The following TENM3 variants were observed in gnomAD, a reference collection of about 807,000 sequenced individuals.
The protein encoded by TENM3 is teneurin transmembrane protein 3, also known as teneurin-3.
TENM3 carries 63 observed loss-of-function variants against 255.1 expected under a neutral mutation model. The observed-to-expected ratio is 0.25, with a 90% CI of 0.20 to 0.30. TENM3 has a LOEUF of 0.30. TENM3 is among the 10% of genes least tolerant of loss of function. The pLI, the probability that TENM3 is intolerant of heterozygous loss-of-function variation, is 1.00. For synonymous variants in TENM3, 1,306 were observed against 1,322.3 expected (o/e 0.99, Z 0.27); for missense variants, 2,929 against 3,461.1 (o/e 0.85, Z 3.86).
At chr4:181,463,742 C>T in the TENM3 span, among the ~76,000 whole-genome samples, 1 of 152,126 alleles carries the variant, frequency 6.6e-6, no homozygotes, top group Admixed American at 6.6e-5. Flanking sequence ...TCATCCATAT[C>T]TAATTTTAAA....
At chr4:181,448,900 A>T in the TENM3 span, among the ~76,000 whole-genome samples, 1 of 152,200 alleles carries the variant, frequency 6.6e-6, no homozygotes, top group East Asian at 1.9e-4. Context: ...TATAAACAAG[A>T]ATTATAAAAA....
At chr4:182,465,535 C>T (rs1001390668) in intron 3 of TENM3, among the ~76,000 whole-genome samples, 1 of 152,002 alleles carries the variant, frequency 6.6e-6, no homozygotes, top group Non-Finnish European at 1.5e-5. Flanking sequence ...TAACCCACCC[C>T]GTTTATGGAA....
At chr4:182,037,018 A>G in the TENM3 span, among the ~76,000 whole-genome samples, 14 of 152,320 alleles carry the variant, frequency 9.2e-5, no homozygotes, top group Admixed American at 7.2e-4. Context: ...AAAAGTATGA[A>G]TCTTCCTTAT....
At chr4:181,713,317 G>A in the TENM3 span, among the ~76,000 whole-genome samples, 3 of 152,188 alleles carry the variant, frequency 2.0e-5, no homozygotes, top group East Asian at 1.9e-4. Context: ...GTTAGACCAC[G>A]AAAAGGTTCT....
At chr4:182,342,392 C>T (rs1290315402) in intron 2 of TENM3, among the ~76,000 whole-genome samples, 2 of 150,690 alleles carry the variant, frequency 1.3e-5, no homozygotes, top group African/African-American at 4.9e-5. Flanking sequence ...CACAAGACCA[C>T]ATATTGTGGA....
At chr4:181,608,882 C>G in the TENM3 span, among the ~76,000 whole-genome samples, 1 of 152,194 alleles carries the variant, frequency 6.6e-6, no homozygotes, top group Non-Finnish European at 1.5e-5. Flanking sequence ...TTGGAACATT[C>G]ACACCCGCTA....
intron 5 of TENM3, among the ~76,000 whole-genome samples, chr4:182,646,958 A>G (rs1752809532): frequency 6.6e-5 from 10 of 152,214 alleles, no homozygotes; most frequent in Admixed American, 6.5e-4. Flanking sequence ...ATCAGAATTA[A>G]GAAACCCTTG....
the TENM3 span, among the ~76,000 whole-genome samples, chr4:182,111,908 A>G: frequency 6.6e-6 from 1 of 152,176 alleles, no homozygotes; most frequent in Non-Finnish European, 1.5e-5. Context: ...CACAAGTAAC[A>G]CATTTTCTCA....
chr4:181,655,938 A>G, the TENM3 span, among the ~76,000 whole-genome samples: 1 of 152,260 alleles, frequency 6.6e-6, no homozygotes, highest in East Asian at 1.9e-4. Flanking sequence ...ATATGCTAGA[A>G]GCCTCTTTGT....
the TENM3 span, among the ~76,000 whole-genome samples, chr4:181,851,874 C>A: frequency 3.3e-5 from 5 of 152,138 alleles, no homozygotes; most frequent in Admixed American, 2.0e-4. Context: ...CATTTTAAGT[C>A]TACCAAGCTG....
chr4:181,738,995 C>T, the TENM3 span, among the ~76,000 whole-genome samples: 2 of 152,206 alleles, frequency 1.3e-5, no homozygotes, highest in South Asian at 4.1e-4. Context: ...TTTAGGTTAG[C>T]TGGCAAGGGC....
chr4:182,535,189 G>A (rs1264009262), intron 3 of TENM3, among the ~76,000 whole-genome samples: 3 of 152,146 alleles, frequency 2.0e-5, no homozygotes, highest in South Asian at 2.1e-4. Context: ...ATCCTGCAGA[G>A]TTTCAAATAG....
At chr4:181,466,487 A>C in the TENM3 span, among the ~76,000 whole-genome samples, 8 of 152,144 alleles carry the variant, frequency 5.3e-5, no homozygotes, top group Admixed American at 2.0e-4. Context: ...TGTGTGAGCC[A>C]CCTACACTTT....
chr4:182,791,518 G>A (rs951010471), intron 25 of TENM3, among the ~76,000 whole-genome samples: 1 of 152,098 alleles, frequency 6.6e-6, no homozygotes, highest in Non-Finnish European at 1.5e-5. Context: ...TCATAATTTA[G>A]CACCAAAGCA....
chr4:182,311,745 T>C (rs1762456948), intron 1 of TENM3, among the ~76,000 whole-genome samples: 1 of 152,338 alleles, frequency 6.6e-6, no homozygotes, highest in South Asian at 2.1e-4. Context: ...GGAGCTTTTA[T>C]GTCCACTCTG....
chr4:181,822,100 C>T, the TENM3 span, among the ~76,000 whole-genome samples: 1 of 152,082 alleles, frequency 6.6e-6, no homozygotes, highest in Non-Finnish European at 1.5e-5. Context: ...ACAAATGTCA[C>T]TTCATCAGGT....
At position 182,589,711 on chromosome 4, in the gene TENM3, G is replaced by A. The variant is rs1019288840; in HGVS notation, c.512-11213G>A. Among the ~76,000 whole-genome samples the A allele has an allele frequency of 9.2e-5, 14 of 152,194 alleles. No individual in the cohort carries two copies. The East Asian group carries it at 9.7e-4, about 11-fold the overall frequency. The stretch of plus-strand genomic sequence containing the variant: ...TTTGCGGCCGGGCGCAGTGGCTCAC[G>A]CCTGTAATCCCAGCACTTTGGGAGG... On this transcript the variant is annotated intron_variant, in intron 3 of 27. Coordinates refer to ENST00000511685, the MANE Select transcript of TENM3 (RefSeq NM_001080477.4).
chr4:182,731,963 A>G (rs1195963372), intron 16 of TENM3, among the ~76,000 whole-genome samples: 9 of 151,720 alleles, frequency 5.9e-5, no homozygotes, highest in Admixed American at 3.3e-4. Context: ...TTGTATTTTT[A>G]GTAGAGGCAG....
At chr4:182,782,362 G>T (rs1765243080) in intron 24 of TENM3, among the ~76,000 whole-genome samples, 1 of 130,220 alleles carries the variant, frequency 7.7e-6, no homozygotes, top group Non-Finnish European at 1.5e-5. Context: ...TAGTTGAGCG[G>T]TTTTGAGTGA....
Sources: gnomAD v4.1 joint callset for allele counts (sites outside exome capture counted in the v4.1 genomes callset) on GRCh38, gnomAD v4.1.1 for gene constraint, MANE v1.5 for transcripts, NCBI Gene and HGNC (gene_info 2026-07-23, HGNC 2026-07-21) for gene names.